PSPC1: variants seen among roughly 807,000 people sequenced by gnomAD.
PSPC1 encodes paraspeckle component 1, also known as paraspeckle protein 1.
PSPC1 carries 14 observed loss-of-function variants against 51.6 expected under a neutral mutation model. The observed-to-expected ratio is 0.27, with a 90% CI of 0.18 to 0.42. PSPC1 has a LOEUF of 0.42. PSPC1 is among the 10% of genes least tolerant of loss of function. The pLI, the probability that PSPC1 is intolerant of heterozygous loss-of-function variation, is 1.00. For missense variants in PSPC1, 406 were observed against 701.1 expected (o/e 0.58, Z 4.75); for synonymous variants, 193 against 231.9 (o/e 0.83, Z 1.53).
intron 6 of PSPC1, among the ~76,000 whole-genome samples, chr13:19,684,168 C>T (rs548413635): frequency 6.6e-6 from 1 of 152,162 alleles, no homozygotes; most frequent in South Asian, 2.1e-4. Flanking sequence ...AAAGGCATCT[C>T]GAAAACAAAA....
intron 2 of PSPC1, among the ~76,000 whole-genome samples, chr13:19,766,736 T>A (rs1404929056): frequency 6.6e-6 from 1 of 151,774 alleles, no homozygotes; most frequent in East Asian, 1.9e-4. Context: ...ATGCCTATAG[T>A]CCCAGCAGCT....
intron 5 of PSPC1, among the ~76,000 whole-genome samples, chr13:19,740,440 T>A (rs1314940738): frequency 1.3e-5 from 2 of 152,114 alleles, no homozygotes; most frequent in African/African-American, 4.8e-5. Context: ...TACATCAAAA[T>A]ATACAGAATA....
chr13:19,781,508 G>T (rs1889967229), intron 1 of PSPC1, among the ~76,000 whole-genome samples: 1 of 152,120 alleles, frequency 6.6e-6, no homozygotes. Context: ...GTAGTACTGT[G>T]TATCAACTAT....
intron 5 of PSPC1, among the ~76,000 whole-genome samples, chr13:19,733,544 T>A (rs1566005775): frequency 6.6e-6 from 1 of 151,918 alleles, no homozygotes; most frequent in Non-Finnish European, 1.5e-5. Flanking sequence ...GCAGATCACT[T>A]GAGGTCAGCA....
chr13:19,729,462 G>A (rs1883771922), intron 6 of PSPC1, among the ~76,000 whole-genome samples: 1 of 151,768 alleles, frequency 6.6e-6, no homozygotes, highest in African/African-American at 2.4e-5. Context: ...GCTTGAACCT[G>A]GGAGGCAGAG....
chr13:19,710,868 C>T (rs1192015354), intron 6 of PSPC1, among the ~76,000 whole-genome samples: 10 of 151,648 alleles, frequency 6.6e-5, no homozygotes. Flanking sequence ...CAGAGATCCT[C>T]GCTCTGTTGC....
At chr13:19,744,170 C>G (rs893372293) in intron 4 of PSPC1, among the ~76,000 whole-genome samples, 2 of 152,126 alleles carry the variant, frequency 1.3e-5, no homozygotes, top group African/African-American at 4.8e-5. Flanking sequence ...GGGTCTCACT[C>G]TGGCACCCAG....
intron 1 of PSPC1, among the ~76,000 whole-genome samples, chr13:19,781,084 GCC>G (rs1889908873): frequency 1.3e-5 from 2 of 150,218 alleles, no homozygotes; most frequent in Non-Finnish European, 2.9e-5. Context: ...AACTTCTTGA[GCC>G]CAGGAACTGA....
intron 5 of PSPC1, among the ~76,000 whole-genome samples, chr13:19,735,639 C>G (rs1490605367): frequency 6.6e-6 from 1 of 152,140 alleles, no homozygotes; most frequent in Non-Finnish European, 1.5e-5. Flanking sequence ...AGCACAAAGG[C>G]AGAATTCAGA....
chr13:19,692,032 A>G (rs1593538350), intron 6 of PSPC1, among the ~76,000 whole-genome samples: 6 of 152,222 alleles, frequency 3.9e-5, no homozygotes, highest in South Asian at 4.1e-4. Context: ...CAAATCAGAT[A>G]AAGTCCTGTG....
chr13:19,691,912 C>T (rs1029645187), intron 6 of PSPC1, among the ~76,000 whole-genome samples: 9 of 151,952 alleles, frequency 5.9e-5, no homozygotes, highest in Non-Finnish European at 1.2e-4. Context: ...AGCGAGACCC[C>T]ATCTCAAAAA....
chr13:19,755,108 T>A (rs953561034), intron 3 of PSPC1, among the ~76,000 whole-genome samples: 2 of 151,546 alleles, frequency 1.3e-5, no homozygotes, highest in Non-Finnish European at 2.9e-5. Flanking sequence ...GTGGCCCACA[T>A]CTGTAGTCCC....
rs1475009264 is a variant in PSPC1, at chr13:19,782,379, C to CA, written c.372+6dup. On this transcript the variant is annotated splice_region_variant and intron_variant, in intron 1 of 8. Transcript: ENST00000338910. The surrounding 1 kb of genome is among the most constrained non-coding windows in gnomAD (Gnocchi z 4.5). ...TTTGTTCCCTCGCGCGGGCGCCTGA[C>CA]ACTCACCAAGCGGATGAAGCCGAAG... 5 of 1,577,140 alleles carry CA rather than the reference C, an allele frequency of 3.2e-6. No homozygotes were observed. Among genetic ancestry groups the CA allele is most frequent in the Non-Finnish European group, 4.3e-6 (5 of 1,161,840 alleles).
At chr13:19,703,649 A>G (rs1368416660) in intron 8 of PSPC1, among the ~76,000 whole-genome samples, 1 of 152,224 alleles carries the variant, frequency 6.6e-6, no homozygotes, top group Non-Finnish European at 1.5e-5. Context: ...TCTTAAGCCT[A>G]AACAATATTA....
At chr13:19,671,711 T>C (rs1001398991), downstream of PSPC1, 4 of 814,758 alleles carry the variant, frequency 4.9e-6, no homozygotes, top group African/African-American at 6.8e-5. Flanking sequence ...CAATGTAAAT[T>C]GATAAGCAAC....
chr13:19,730,188 T>A, intron 6 of PSPC1, 51 bp downstream of exon 6: 1 of 1,498,120 alleles, frequency 6.7e-7, no homozygotes, highest in Non-Finnish European at 9.3e-7. Context: ...TAAATATGCA[T>A]CATAAACCTG....
chr13:19,690,244 C>T (rs976958662), intron 6 of PSPC1, among the ~76,000 whole-genome samples: 2 of 152,142 alleles, frequency 1.3e-5, no homozygotes, highest in African/African-American at 4.8e-5. Context: ...TCTTAAAGTT[C>T]AATTACTGGA....
chr13:19,671,898 A>C, downstream of PSPC1: 1 of 1,610,892 alleles, frequency 6.2e-7, no homozygotes, highest in South Asian at 1.1e-5. Flanking sequence ...GACTGGGCGG[A>C]GTTCTCTTCA....
At chr13:19,760,597 A>G (rs951181264) in intron 2 of PSPC1, among the ~76,000 whole-genome samples, 2 of 152,040 alleles carry the variant, frequency 1.3e-5, no homozygotes, top group Non-Finnish European at 2.9e-5. Flanking sequence ...TCAAACCTGT[A>G]ATTCTAGAGC....
Sources: gnomAD v4.1 joint callset for allele counts (sites outside exome capture counted in the v4.1 genomes callset) on GRCh38, gnomAD v4.1.1 for gene constraint, Gnocchi (gnomAD v3.1) non-coding constraint, MANE v1.5 for transcripts, NCBI Gene and HGNC (gene_info 2026-07-23, HGNC 2026-07-21) for gene names.